SGCZ: variants seen among roughly 807,000 people sequenced by gnomAD.
The protein encoded by SGCZ is zeta-sarcoglycan.
Under a neutral mutation model 41.3 loss-of-function variants are expected in SGCZ, and 40 were observed. The ratio of observed to expected loss-of-function variants is 0.97; its 90% confidence interval spans 0.75 to 1.26. The LOEUF (loss-of-function observed/expected upper bound fraction) is 1.26, where lower values mean the gene tolerates loss of function less well. Among genes scored for constraint, SGCZ ranks in the 50% most tolerant of loss-of-function variants. The pLI is 0.00. For synonymous variants in SGCZ, 206 were observed against 137.5 expected (o/e 1.50, Z -3.49); for missense variants, 552 against 369.8 (o/e 1.49, Z -4.04).
At chr8:14,435,321 G>A (rs1044915068) in intron 2 of SGCZ, among the ~76,000 whole-genome samples, 13 of 152,022 alleles carry the variant, frequency 8.6e-5, no homozygotes, top group Non-Finnish European at 1.5e-4. Context: ...ATCATTTAGG[G>A]TTCATTTCAA....
At chr8:14,211,801 A>G (rs961478289) in intron 4 of SGCZ, among the ~76,000 whole-genome samples, 3 of 152,132 alleles carry the variant, frequency 2.0e-5, no homozygotes, top group Non-Finnish European at 1.5e-5. Context: ...CTCCAATTCA[A>G]CATGAGATTT....
intron 3 of SGCZ, among the ~76,000 whole-genome samples, chr8:14,288,107 G>A (rs893597501): frequency 1.2e-4 from 18 of 152,112 alleles, no homozygotes; most frequent in East Asian, 3.9e-4. Flanking sequence ...CCATGAATAA[G>A]AATTGAAGAT....
chr8:14,208,340 C>G (rs541172232), intron 4 of SGCZ, among the ~76,000 whole-genome samples: 46 of 152,130 alleles, frequency 3.0e-4, no homozygotes, highest in Non-Finnish European at 5.0e-4. Context: ...AAGTAAAAAT[C>G]TGACACCGTA....
At chr8:14,720,010 C>A (rs182386048) in intron 1 of SGCZ, among the ~76,000 whole-genome samples, 2 of 151,936 alleles carry the variant, frequency 1.3e-5, no homozygotes, top group African/African-American at 4.8e-5. Context: ...CGTCTTTAAT[C>A]CATCTTGAAT....
At chr8:14,381,525 A>G (rs28599980) in intron 2 of SGCZ, among the ~76,000 whole-genome samples, 13 of 152,002 alleles carry the variant, frequency 8.6e-5, no homozygotes, top group African/African-American at 2.2e-4. Flanking sequence ...CTATAATCCC[A>G]GTATGGTGGG....
At chr8:14,531,615 T>C (rs1803135227) in intron 2 of SGCZ, among the ~76,000 whole-genome samples, 1 of 152,070 alleles carries the variant, frequency 6.6e-6, no homozygotes. Context: ...TTATGAGTTA[T>C]GAGAGGATAC....
intron 7 of SGCZ, among the ~76,000 whole-genome samples, chr8:14,092,699 C>G (rs1801725892): frequency 6.6e-6 from 1 of 152,038 alleles, no homozygotes; most frequent in Non-Finnish European, 1.5e-5. Context: ...CTCTTGCCTG[C>G]CACCACATAA....
intron 1 of SGCZ, among the ~76,000 whole-genome samples, chr8:15,037,324 T>G (rs1280897949): frequency 6.6e-6 from 1 of 152,190 alleles, no homozygotes; most frequent in Non-Finnish European, 1.5e-5. Context: ...CATTTCTCTT[T>G]CCTGTCACCA....
chr8:14,597,242 G>C (rs1805441420), intron 1 of SGCZ, among the ~76,000 whole-genome samples: 1 of 152,192 alleles, frequency 6.6e-6, no homozygotes, highest in Non-Finnish European at 1.5e-5. Context: ...AATATATTCA[G>C]TAAGCAGTCT....
At chr8:14,426,834 A>T (rs1799795951) in intron 2 of SGCZ, among the ~76,000 whole-genome samples, 1 of 152,314 alleles carries the variant, frequency 6.6e-6, no homozygotes, top group East Asian at 1.9e-4. Context: ...ATATATCATG[A>T]AGGGATTGAA....
At chr8:14,659,816 G>A (rs1470982709) in intron 1 of SGCZ, among the ~76,000 whole-genome samples, 1 of 152,124 alleles carries the variant, frequency 6.6e-6, no homozygotes, top group African/African-American at 2.4e-5. Flanking sequence ...TTGGAAATAG[G>A]ATACCTGCAT....
intron 1 of SGCZ, among the ~76,000 whole-genome samples, chr8:15,172,355 T>G (rs1049195055): frequency 1.3e-5 from 2 of 150,806 alleles, no homozygotes; most frequent in Non-Finnish European, 3.0e-5. Flanking sequence ...AGAGACGGGG[T>G]TTCACCGTGT....
At chr8:14,146,031 G>T (rs909620560) in intron 5 of SGCZ, among the ~76,000 whole-genome samples, 3 of 152,018 alleles carry the variant, frequency 2.0e-5, no homozygotes, top group Admixed American at 6.6e-5. Flanking sequence ...TTATTCAAAA[G>T]GACAATAACA....
chr8:14,670,386 T>C (rs750479291), intron 1 of SGCZ, among the ~76,000 whole-genome samples: 9 of 152,206 alleles, frequency 5.9e-5, no homozygotes, highest in South Asian at 4.1e-4. Context: ...CTGAATTGCA[T>C]ATTATTGCTA....
chr8:14,221,438 C>G (rs778696324), intron 4 of SGCZ, among the ~76,000 whole-genome samples: 5 of 152,134 alleles, frequency 3.3e-5, no homozygotes, highest in Non-Finnish European at 7.3e-5. Context: ...ACCACAGTGC[C>G]TGAAATATGG....
intron 5 of SGCZ, among the ~76,000 whole-genome samples, chr8:14,138,000 G>T (rs1270607906): frequency 6.6e-6 from 1 of 152,186 alleles, no homozygotes; most frequent in Non-Finnish European, 1.5e-5. Context: ...AATTCTACAA[G>T]CCAGAAGAGA....
intron 1 of SGCZ, among the ~76,000 whole-genome samples, chr8:14,829,392 G>C (rs950695099): frequency 6.6e-6 from 1 of 152,124 alleles, no homozygotes; most frequent in African/African-American, 2.4e-5. Context: ...TCTTGAACTT[G>C]ATGACGCTTA....
chr8:14,216,080 T>C (rs1435967187), intron 4 of SGCZ, among the ~76,000 whole-genome samples: 2 of 152,304 alleles, frequency 1.3e-5, no homozygotes, highest in Non-Finnish European at 2.9e-5. Context: ...AATCAACACA[T>C]TTGTGGAAAA....
intron 1 of SGCZ, among the ~76,000 whole-genome samples, chr8:15,173,963 C>G (rs1165554892): frequency 1.3e-5 from 2 of 152,132 alleles, no homozygotes; most frequent in Non-Finnish European, 2.9e-5. Flanking sequence ...CTCAAGCAAT[C>G]CTTCCACTTC....
Sources: gnomAD v4.1 joint callset for allele counts (sites outside exome capture counted in the v4.1 genomes callset) on GRCh38, gnomAD v4.1.1 for gene constraint, MANE v1.5 for transcripts, NCBI Gene and HGNC (gene_info 2026-07-23, HGNC 2026-07-21) for gene names.